The following OTULINL variants were observed in gnomAD, a reference collection of about 807,000 sequenced individuals.
The protein encoded by OTULINL is OTU deubiquitinase with linear linkage specificity like.
In OTULINL, 42 loss-of-function variants were observed where a neutral mutation model predicts 43.9. The observed-to-expected ratio is 0.96, with a 90% CI of 0.75 to 1.24. The LOEUF (loss-of-function observed/expected upper bound fraction) is 1.24, where lower values mean the gene tolerates loss of function less well. Among genes scored for constraint, OTULINL ranks in the 50% most tolerant of loss-of-function variants. The pLI is 0.00. For synonymous variants in OTULINL, 172 were observed against 153.6 expected (o/e 1.12, Z -0.88); for missense variants, 411 against 426.4 (o/e 0.96, Z 0.32).
At chr5:14,588,655 A>T (rs1012477153) in intron 1 of OTULINL, among the ~76,000 whole-genome samples, 2 of 152,190 alleles carry the variant, frequency 1.3e-5, no homozygotes, top group Admixed American at 1.3e-4. Flanking sequence ...CAGGGCTGGG[A>T]TGATCTCCAT....
At chr5:14,593,204 A>G (rs1011418107) in intron 1 of OTULINL, among the ~76,000 whole-genome samples, 1 of 152,312 alleles carries the variant, frequency 6.6e-6, no homozygotes, top group East Asian at 1.9e-4. Context: ...GAAACATTCC[A>G]AAAAAGGGAA....
chr5:14,607,170 C>T (rs563813013), intron 5 of OTULINL, among the ~76,000 whole-genome samples, 160 bp from the exon 6 acceptor site: 77 of 151,794 alleles, frequency 5.1e-4, no homozygotes, highest in African/African-American at 1.8e-3. Flanking sequence ...GTGGAGGTTG[C>T]AGTAAGCCGA....
In OTULINL at chr5:14,610,214, G is replaced by A. The variant is rs1362043129; in HGVS notation, c.971G>A (p.Arg324Lys). 6 of 1,614,094 alleles carry A rather than the reference G, an allele frequency of 3.7e-6. No individual in the cohort carries two copies. The African/African-American group carries it at 8.0e-5, about 22-fold the overall frequency. The change falls in exon 8 of 8, where the codon AGA (arginine) becomes AAA (lysine). Residue 324 changes from arginine (R) to lysine (K), a missense_variant. Transcript: ENST00000274217. The part of the protein sequence containing the change: ...KVFRLFKFNS[R>K]DFEVCYPEEP... ...TTCAGACTGTTCAAGTTTAACTCCAGAGACTTTGAAGTCTGCTACCCAGAG... is the reference window on the plus strand; with the variant it reads ...TTCAGACTGTTCAAGTTTAACTCCAAAGACTTTGAAGTCTGCTACCCAGAG...
intron 1 of OTULINL, among the ~76,000 whole-genome samples, chr5:14,594,873 C>G (rs1560962125): frequency 6.6e-6 from 1 of 152,054 alleles, no homozygotes; most frequent in Non-Finnish European, 1.5e-5. Context: ...CTTCCTACCT[C>G]TCTTGCCACA....
chr5:14,607,607 C>T (rs1368268144), intron 6 of OTULINL, 149 bp downstream of exon 6: 2 of 932,560 alleles, frequency 2.1e-6, no homozygotes, highest in Non-Finnish European at 3.2e-6. Context: ...TGATTTCCCT[C>T]CTTATTCTTC....
At chr5:14,583,158 C>T (rs987551431) in intron 1 of OTULINL, among the ~76,000 whole-genome samples, 1 of 152,160 alleles carries the variant, frequency 6.6e-6, no homozygotes, top group African/African-American at 2.4e-5. Context: ...ATTCACAGAG[C>T]AAACTGTTGG....
At chr5:14,606,370 G>A (rs1759475913) in intron 5 of OTULINL, among the ~76,000 whole-genome samples, 1 of 152,132 alleles carries the variant, frequency 6.6e-6, no homozygotes, top group Non-Finnish European at 1.5e-5. Flanking sequence ...TGAGATTTGG[G>A]TGGGGACACA....
Position 14,614,603 on chromosome 5 carries a change from ACACT to A in OTULINL, c.*4297_*4300del, listed in dbSNP as rs1560971420. 15 of 398,520 alleles carry A rather than the reference ACACT, an allele frequency of 3.8e-5. 1 individual carries two copies. Among genetic ancestry groups the A allele is most frequent in the Admixed American group, 1.3e-4 (3 of 22,710 alleles). The allele number at this position is 398,520 out of a possible 1,614,324, so 24.7% of individuals were successfully genotyped here. On this transcript the variant is annotated 3_prime_UTR_variant, in exon 8 of 8. Coordinates refer to ENST00000274217, the MANE Select transcript of OTULINL (RefSeq NM_019018.3). ...ACATGGTTTATAAGTGGACAGAAAA[ACACT>A]CACTCACGTATTCAGCCACGTATGG...
Position 14,584,280 on chromosome 5 carries a change from G to C in OTULINL, c.64+2322G>C, listed in dbSNP as rs954821942. Among the ~76,000 whole-genome samples, 73 of 152,144 alleles carry C rather than the reference G, an allele frequency of 4.8e-4. 1 individual carries two copies. Among genetic ancestry groups the C allele is most frequent in the Non-Finnish European group, 1.6e-4 (11 of 68,018 alleles). On this transcript the variant is annotated intron_variant, in intron 1 of 7. Transcript: ENST00000274217. ...TGGTTCTCTCCACCACTGTCCATCTGTTCAGTGGTAACATTCACATTTCAG... is the reference window on the plus strand; with the variant it reads ...TGGTTCTCTCCACCACTGTCCATCTCTTCAGTGGTAACATTCACATTTCAG...
Position 14,602,284 on chromosome 5 carries a change from C to G in OTULINL, c.450C>G (p.Ser150Arg). 1 of 1,613,670 alleles carries G rather than the reference C, an allele frequency of 6.2e-7. No homozygotes were observed. The highest frequency in any genetic ancestry group is 8.5e-7 in the Non-Finnish European group (1 of 1,179,750). The change falls in exon 5 of 8, where the codon AGC (serine) becomes AGG (arginine). Residue 150 changes from serine (S) to arginine (R), a missense_variant. Coordinates refer to ENST00000274217, the MANE Select transcript of OTULINL (RefSeq NM_019018.3). ...GATCAGTGTTATTTCAGATATTCAG[C>G]CAGGGCATCTCTTTTCCATCATGGA... ...ALRSVLFQIF[S>R]QGISFPSWMK...
At chr5:14,594,971 C>T (rs993187902) in intron 1 of OTULINL, among the ~76,000 whole-genome samples, 1 of 152,068 alleles carries the variant, frequency 6.6e-6, no homozygotes, top group Admixed American at 6.5e-5. Context: ...TGCTAACTAA[C>T]CATAATAGGA....
At chr5:14,596,835 G>A (rs963873705) in intron 1 of OTULINL, among the ~76,000 whole-genome samples, 4 of 152,172 alleles carry the variant, frequency 2.6e-5, no homozygotes, top group Admixed American at 6.5e-5. Context: ...GGTGGAGGGC[G>A]TCACGTGGTG....
intron 1 of OTULINL, among the ~76,000 whole-genome samples, chr5:14,583,428 C>T (rs1476158913): frequency 6.6e-6 from 1 of 152,124 alleles, no homozygotes; most frequent in African/African-American, 2.4e-5. Context: ...ATTTTCTTTT[C>T]TCCTCCCTGC....
chr5:14,607,544 T>C (rs2126785142), intron 6 of OTULINL, 86 bp downstream of exon 6: 1 of 1,516,254 alleles, frequency 6.6e-7, no homozygotes, highest in South Asian at 1.2e-5. Flanking sequence ...TCAGGGACAT[T>C]GCTTCATGTT....
At chr5:14,595,666 TTG>T (rs1560962514) in intron 1 of OTULINL, among the ~76,000 whole-genome samples, 2 of 126,404 alleles carry the variant, frequency 1.6e-5, no homozygotes, top group African/African-American at 3.0e-5. Context: ...TTTTTTTTTT[TTG>T]TGTAGTTCTG....
chr5:14,603,476 A>G (rs1373472009), intron 5 of OTULINL, among the ~76,000 whole-genome samples: 1 of 152,198 alleles, frequency 6.6e-6, no homozygotes, highest in Non-Finnish European at 1.5e-5. Flanking sequence ...GTTGTTTCAC[A>G]TTCTCACCAG....
chr5:14,593,423 TCTAG>T (rs1361613941), intron 1 of OTULINL, among the ~76,000 whole-genome samples: 135 of 152,334 alleles, frequency 8.9e-4, no homozygotes, highest in African/African-American at 3.1e-3. Context: ...TGATTAGTCC[TCTAG>T]CTAGAAAATG....
rs1283106857 is a variant in OTULINL at position 14,612,998 on chromosome 5, C to T, written c.*2684C>T. On this transcript the variant is annotated 3_prime_UTR_variant, in exon 8 of 8. Coordinates refer to ENST00000274217, the MANE Select transcript of OTULINL (RefSeq NM_019018.3). ...AGTGCAGTGGCACAATCTCGGCTCA[C>T]TGCAACCTCTACCTCCCAGGTTCAA... Among the ~76,000 whole-genome samples the T allele has an allele frequency of 8.5e-5, 13 of 152,160 alleles. No homozygotes were observed. The highest frequency in any genetic ancestry group is 3.3e-4 in the Admixed American group (5 of 15,284).
chr5:14,582,797 C>G (rs1490526615), intron 1 of OTULINL, among the ~76,000 whole-genome samples: 1 of 114,774 alleles, frequency 8.7e-6, no homozygotes, highest in Admixed American at 1.3e-4. Context: ...GCCAGGGAGA[C>G]AGAGCCTTGC....
Sources: gnomAD v4.1 joint callset for allele counts (sites outside exome capture counted in the v4.1 genomes callset) on GRCh38, gnomAD v4.1.1 for gene constraint, MANE v1.5 for transcripts, NCBI Gene and HGNC (gene_info 2026-07-23, HGNC 2026-07-21) for gene names.